SLC24A2: variants seen among roughly 807,000 people sequenced by gnomAD.
SLC24A2 encodes solute carrier family 24 member 2, also known as sodium/potassium/calcium exchanger 2.
In SLC24A2, 36 loss-of-function variants were observed where a neutral mutation model predicts 62.0. That is an observed-to-expected ratio of 0.58 (90% CI 0.44 to 0.77). SLC24A2 has a LOEUF of 0.77. SLC24A2 is among the 30% of genes least tolerant of loss of function. SLC24A2 has a pLI of 0.00. For synonymous variants in SLC24A2, 358 were observed against 294.0 expected, an observed-to-expected ratio of 1.22 and a Z score of -2.23; for missense variants, 846 against 817.9, an observed-to-expected ratio of 1.03 and a Z score of -0.42.
chr9:20,028,260 C>G, the SLC24A2 span, among the ~76,000 whole-genome samples: 1 of 152,134 alleles, frequency 6.6e-6, no homozygotes, highest in African/African-American at 2.4e-5. Flanking sequence ...CTGCAACACA[C>G]AAGGGGATTT....
At position 19,529,734 on chromosome 9, in the gene SLC24A2, T is replaced by G. The variant is rs1009721805; in HGVS notation, c.1480-1596A>C. On this transcript the variant is annotated intron_variant, in intron 8 of 10. Transcript: ENST00000341998. ...TAAAAAGGTAATCATTTTTTTAAAG[T>G]GGAGTTGGAGACCTTCGTTTTTTTT... is the stretch of plus-strand genomic sequence containing the variant. Among the ~76,000 whole-genome samples the G allele has an allele frequency of 2.0e-4, 30 of 149,208 alleles. 1 individual carries two copies. The highest frequency in any genetic ancestry group is 7.4e-4 in the African/African-American group (30 of 40,732).
chr9:20,136,957 CA>C, the SLC24A2 span, among the ~76,000 whole-genome samples: 1 of 151,976 alleles, frequency 6.6e-6, no homozygotes, highest in Non-Finnish European at 1.5e-5. Flanking sequence ...GTATGACTAG[CA>C]AAAAGGGTGT....
chr9:20,245,119 T>A, the SLC24A2 span, among the ~76,000 whole-genome samples: 1 of 152,174 alleles, frequency 6.6e-6, no homozygotes, highest in African/African-American at 2.4e-5. Flanking sequence ...TAGGCCCTAG[T>A]GACACAGAAA....
At chr9:19,592,395 CAG>C (rs201835393) in intron 5 of SLC24A2, among the ~76,000 whole-genome samples, 1,925 of 152,152 alleles carry the variant, frequency 0.013, 22 homozygotes, top group South Asian at 0.017. Flanking sequence ...GGTTAAATGG[CAG>C]AGAGTTTAGG....
At chr9:19,688,833 C>T (rs930748217) in intron 2 of SLC24A2, among the ~76,000 whole-genome samples, 29 of 152,042 alleles carry the variant, frequency 1.9e-4, no homozygotes, top group Admixed American at 5.9e-4. Flanking sequence ...TCAGAGATAC[C>T]AGAATTTAAA....
At chr9:20,307,738 G>A in the SLC24A2 span, among the ~76,000 whole-genome samples, 1 of 152,118 alleles carries the variant, frequency 6.6e-6, no homozygotes, top group Non-Finnish European at 1.5e-5. Context: ...CCAAATCTAG[G>A]CTCAGAGACA....
the SLC24A2 span, chr9:19,967,251 A>G: frequency 6.6e-6 from 1 of 152,166 alleles, no homozygotes; most frequent in Non-Finnish European, 1.5e-5. Context: ...TAAATATAGA[A>G]AGCAAGTCAC....
chr9:20,020,581 G>T, the SLC24A2 span, among the ~76,000 whole-genome samples: 72 of 152,168 alleles, frequency 4.7e-4, no homozygotes, highest in African/African-American at 1.6e-3. Context: ...GCAGGTGGGG[G>T]GCTAGGGGAG....
the SLC24A2 span, among the ~76,000 whole-genome samples, chr9:20,301,407 C>T: frequency 6.6e-6 from 1 of 151,856 alleles, no homozygotes; most frequent in Non-Finnish European, 1.5e-5. Context: ...TAACCATAAC[C>T]CTACCACCTA....
chr9:20,162,879 C>A, the SLC24A2 span, among the ~76,000 whole-genome samples: 1 of 152,008 alleles, frequency 6.6e-6, no homozygotes, highest in Non-Finnish European at 1.5e-5. Context: ...AAGACAAAAA[C>A]CACATGATTA....
the SLC24A2 span, among the ~76,000 whole-genome samples, chr9:20,200,011 G>A: frequency 8.0e-4 from 121 of 151,512 alleles, 1 homozygote; most frequent in African/African-American, 2.6e-3. Context: ...GACTACAGGC[G>A]TGAGACACCG....
At chr9:19,834,410 G>A in the SLC24A2 span, among the ~76,000 whole-genome samples, 1 of 152,198 alleles carries the variant, frequency 6.6e-6, no homozygotes, top group Non-Finnish European at 1.5e-5. Flanking sequence ...ACCATGGCAT[G>A]AGAACTACAT....
At chr9:19,774,181 G>C (rs938078992) in intron 2 of SLC24A2, among the ~76,000 whole-genome samples, 6 of 152,174 alleles carry the variant, frequency 3.9e-5, no homozygotes, top group Admixed American at 3.9e-4. Context: ...CAGGAGAAGT[G>C]TATCTTTGGT....
chr9:20,171,727 A>G, the SLC24A2 span, among the ~76,000 whole-genome samples: 1 of 152,062 alleles, frequency 6.6e-6, no homozygotes, highest in Admixed American at 6.6e-5. Flanking sequence ...AACAATTACT[A>G]CTAGACCTAA....
intron 2 of SLC24A2, among the ~76,000 whole-genome samples, chr9:19,646,756 C>G (rs1818647604): frequency 6.6e-6 from 1 of 152,080 alleles, no homozygotes; most frequent in Non-Finnish European, 1.5e-5. Context: ...GTTTTCGTGG[C>G]TTTTACAGCC....
chr9:20,031,449 T>C, the SLC24A2 span, among the ~76,000 whole-genome samples: 1 of 150,004 alleles, frequency 6.7e-6, no homozygotes, highest in South Asian at 2.1e-4. Context: ...GAGAAAAATC[T>C]CATGGTGCAT....
the SLC24A2 span, among the ~76,000 whole-genome samples, chr9:20,226,982 C>T: frequency 1.3e-5 from 2 of 152,192 alleles, no homozygotes; most frequent in East Asian, 3.8e-4. Context: ...ACTTGAATAG[C>T]TGTCTTCCTT....
chr9:20,299,295 T>C, the SLC24A2 span, among the ~76,000 whole-genome samples: 1 of 152,124 alleles, frequency 6.6e-6, no homozygotes, highest in Middle Eastern at 3.2e-3. Flanking sequence ...TGAGGCAACA[T>C]AGCATGTGGG....
the SLC24A2 span, chr9:19,895,962 G>C: frequency 1.2e-6 from 2 of 1,610,502 alleles, no homozygotes; most frequent in South Asian, 1.1e-5. Flanking sequence ...GGGAGTCTTG[G>C]AGCATGTAAC....
Sources: gnomAD v4.1 joint callset for allele counts (sites outside exome capture counted in the v4.1 genomes callset) on GRCh38, gnomAD v4.1.1 for gene constraint, MANE v1.5 for transcripts, NCBI Gene and HGNC (gene_info 2026-07-23, HGNC 2026-07-21) for gene names.